Variants in NALF1 observed in about 807,000 individuals in gnomAD.
The protein encoded by NALF1 is NALCN channel auxiliary factor 1.
A neutral mutation model predicts 48.4 loss-of-function variants in NALF1; 3 were observed. The ratio of observed to expected loss-of-function variants is 0.06; its 90% CI spans 0.03 to 0.16. The LOEUF is 0.16. NALF1 is among the 10% of genes least tolerant of loss of function. The probability of loss-of-function intolerance (pLI) is 1.00; values close to 1 mark genes in which losing one functional copy is unlikely to be tolerated. For missense variants in NALF1, 526 were observed against 571.5 expected (o/e 0.92, Z 0.81); for synonymous variants, 262 against 245.7 (o/e 1.07, Z -0.62).
intron 1 of NALF1, among the ~76,000 whole-genome samples, chr13:107,726,113 G>C (rs1876141809): frequency 6.6e-6 from 1 of 152,100 alleles, no homozygotes; most frequent in Admixed American, 6.5e-5. Flanking sequence ...CTTACTGCCA[G>C]TTATTCAGTC....
At position 107,171,723 on chromosome 13, in the gene NALF1, T is replaced by G. The variant is rs185285374; in HGVS notation, c.1088-937A>C. ...ACCTTGCTGTATTACATAGAATATT[T>G]TTATGCAAGCTATATAAGTCATAGT... is the stretch of plus-strand genomic sequence containing the variant. On this transcript the variant is annotated intron_variant, in intron 2 of 2. Coordinates refer to ENST00000375915, the MANE Select transcript of NALF1 (RefSeq NM_001080396.3). Among the ~76,000 whole-genome samples, 4 of 152,376 alleles carry G rather than the reference T, an allele frequency of 2.6e-5. No homozygotes were observed. In the East Asian group the frequency reaches 7.7e-4, roughly 29 times the overall value.
At chr13:107,534,274 T>G (rs1366709326) in intron 1 of NALF1, among the ~76,000 whole-genome samples, 1 of 152,158 alleles carries the variant, frequency 6.6e-6, no homozygotes, top group Non-Finnish European at 1.5e-5. Context: ...TCAGAATTTT[T>G]GCCTCATCTT....
intron 1 of NALF1, among the ~76,000 whole-genome samples, chr13:107,595,109 G>A (rs1299051342): frequency 6.6e-6 from 1 of 152,070 alleles, no homozygotes; most frequent in Non-Finnish European, 1.5e-5. Flanking sequence ...AGACAAGACA[G>A]CGACCACGGT....
At chr13:107,417,320 G>C (rs572619212) in intron 1 of NALF1, among the ~76,000 whole-genome samples, 2 of 152,144 alleles carry the variant, frequency 1.3e-5, no homozygotes, top group African/African-American at 4.8e-5. Context: ...GTTCTATCAG[G>C]TATTGATTTT....
At chr13:107,423,028 T>C (rs1884218598) in intron 1 of NALF1, among the ~76,000 whole-genome samples, 1 of 152,204 alleles carries the variant, frequency 6.6e-6, no homozygotes. Flanking sequence ...TTCTGGCCTC[T>C]AGAACTGTAA....
intron 1 of NALF1, among the ~76,000 whole-genome samples, chr13:107,786,416 CAAAAAAAA>C (rs34857705): frequency 3.4e-5 from 1 of 29,714 alleles, no homozygotes; most frequent in African/African-American, 1.3e-4. Context: ...AACTCTTTCT[CAAAAAAAA>C]AAAAAAAAAA....
intron 1 of NALF1, among the ~76,000 whole-genome samples, chr13:107,639,392 T>C (rs899255394): frequency 2.0e-5 from 3 of 152,162 alleles, no homozygotes; most frequent in African/African-American, 7.2e-5. Context: ...GATAGTTCTG[T>C]AGACACTCCA....
intron 1 of NALF1, among the ~76,000 whole-genome samples, chr13:107,715,098 G>C (rs1439489271): frequency 6.6e-6 from 1 of 152,058 alleles, no homozygotes; most frequent in African/African-American, 2.4e-5. Flanking sequence ...ATCACATCAG[G>C]ATAATCGGCA....
intron 1 of NALF1, among the ~76,000 whole-genome samples, chr13:107,666,478 T>C (rs1412246792): frequency 1.3e-5 from 2 of 152,170 alleles, no homozygotes; most frequent in Non-Finnish European, 2.9e-5. Flanking sequence ...AGTTCTCTTT[T>C]TGTCTGCAGC....
intron 1 of NALF1, among the ~76,000 whole-genome samples, chr13:107,663,342 T>C (rs932836732): frequency 2.6e-5 from 4 of 152,114 alleles, no homozygotes; most frequent in African/African-American, 9.7e-5. Flanking sequence ...ACTAATGAAA[T>C]AGAAATTGCT....
chr13:107,791,801 A>T (rs1190272084), intron 1 of NALF1, among the ~76,000 whole-genome samples: 1 of 151,930 alleles, frequency 6.6e-6, no homozygotes, highest in Non-Finnish European at 1.5e-5. Flanking sequence ...CTCTACTAAA[A>T]ATACAAAAAT....
chr13:107,663,063 T>C (rs931285262), intron 1 of NALF1, among the ~76,000 whole-genome samples: 36 of 152,314 alleles, frequency 2.4e-4, no homozygotes, highest in African/African-American at 8.2e-4. Flanking sequence ...CCTCACTTGT[T>C]GTGATACTAC....
chr13:107,194,828 G>T (rs537500935), intron 2 of NALF1, among the ~76,000 whole-genome samples: 35 of 152,140 alleles, frequency 2.3e-4, no homozygotes, highest in African/African-American at 7.5e-4. Flanking sequence ...TCTGACAAAG[G>T]ACTAATATCC....
intron 1 of NALF1, among the ~76,000 whole-genome samples, chr13:107,467,555 A>G (rs540266561): frequency 1.8e-4 from 28 of 152,342 alleles, no homozygotes; most frequent in African/African-American, 6.0e-4. Flanking sequence ...AGCTACTGAA[A>G]TCCATAATAA....
chr13:107,389,862 T>C (rs892943917), intron 1 of NALF1, among the ~76,000 whole-genome samples: 2 of 152,196 alleles, frequency 1.3e-5, no homozygotes, highest in African/African-American at 4.8e-5. Flanking sequence ...CGTAATTTGA[T>C]GTGACAGTTA....
chr13:107,312,144 T>G (rs1186116548), intron 1 of NALF1, among the ~76,000 whole-genome samples: 4 of 152,194 alleles, frequency 2.6e-5, no homozygotes, highest in African/African-American at 9.7e-5. Flanking sequence ...GCGGCACTAT[T>G]CACAATAGCG....
intron 1 of NALF1, among the ~76,000 whole-genome samples, chr13:107,656,890 G>A (rs4097301): frequency 0.77 from 116,717 of 152,088 alleles, 44,922 homozygotes; most frequent in African/African-American, 0.78. Flanking sequence ...TATTCTAAGT[G>A]AAGTAACTCA....
At chr13:107,311,209 A>G (rs1175566915) in intron 1 of NALF1, among the ~76,000 whole-genome samples, 1 of 152,164 alleles carries the variant, frequency 6.6e-6, no homozygotes, top group Admixed American at 6.5e-5. Context: ...GTCTACCTGA[A>G]AAAAGGAACA....
At chr13:107,676,467 C>T (rs1357826377) in intron 1 of NALF1, among the ~76,000 whole-genome samples, 3 of 152,104 alleles carry the variant, frequency 2.0e-5, no homozygotes, top group African/African-American at 7.2e-5. Flanking sequence ...GTAAAATCAC[C>T]TGTCAAGGCT....
Sources: gnomAD v4.1 joint callset for allele counts (sites outside exome capture counted in the v4.1 genomes callset) on GRCh38, gnomAD v4.1.1 for gene constraint, MANE v1.5 for transcripts, NCBI Gene and HGNC (gene_info 2026-07-23, HGNC 2026-07-21) for gene names.